The following KIF26A variants were observed in gnomAD, a reference collection of about 807,000 sequenced individuals.
The protein encoded by KIF26A is kinesin family member 26A, also known as kinesin-like protein KIF26A.
A neutral mutation model predicts 126.0 loss-of-function variants in KIF26A; 74 were observed. The observed-to-expected ratio is 0.59, with a 90% CI of 0.49 to 0.71. The LOEUF is 0.71. KIF26A is among the 30% of genes least tolerant of loss of function. KIF26A has a pLI of 0.00. For missense variants in KIF26A, 2,984 were observed against 2,763.3 expected, an observed-to-expected ratio of 1.08 and a Z score of -1.79; for synonymous variants, 1,445 against 1,232.7, an observed-to-expected ratio of 1.17 and a Z score of -3.61.
intron 2 of KIF26A, among the ~76,000 whole-genome samples, chr14:104,150,967 C>T (rs959691145): frequency 4.6e-5 from 7 of 152,158 alleles, no homozygotes; most frequent in Admixed American, 1.3e-4. Flanking sequence ...GCCTGGCCCC[C>T]TCCCCAGAGA....
rs536569178 is a variant in KIF26A at position 104,175,977 on chromosome 14, G to A, written c.3189G>A (p.Leu1063=). ...CTAGCTTCGACAGTGACTGCTCCCT[G>A]CGGGCCCTGGCCTCGGGGTCCCGGC... is the stretch of plus-strand genomic sequence containing the variant. The part of the protein sequence containing the change: ...SLASFDSDCS[L]RALASGSRPV... Residue 1063 remains leucine (L), a synonymous_variant, in exon 12 of 15, where the codon CTG becomes CTA. Transcript: ENST00000423312. The A allele has an allele frequency of 3.2e-6, 5 of 1,576,476 alleles. No homozygotes were observed. The African/African-American group carries it at 5.4e-5, about 17-fold the overall frequency.
chr14:104,172,711 C>A, intron 7 of KIF26A, 43 bp downstream of exon 7: 18 of 1,415,648 alleles, frequency 1.3e-5, no homozygotes, highest in Non-Finnish European at 1.8e-5. Flanking sequence ...TGCTGGCCAC[C>A]CCCTCCCATC....
chr14:104,164,358 T>C (rs139209543), intron 4 of KIF26A, among the ~76,000 whole-genome samples: 1,993 of 152,270 alleles, frequency 0.013, 18 homozygotes, highest in Non-Finnish European at 0.021. Context: ...TCCTGGCCTC[T>C]GGCCCGCGTG....
At chr14:104,169,418 G>T (rs58635651) in intron 5 of KIF26A, among the ~76,000 whole-genome samples, 2,425 of 152,268 alleles carry the variant, frequency 0.016, 65 homozygotes, top group African/African-American at 0.055. Context: ...CCTCCTGGGG[G>T]CAGCCTTGGC....
Position 104,152,140 on chromosome 14 carries a change from G to A in KIF26A, c.414G>A (p.Glu138=). 3.7e-6 allele frequency: 6 copies of A among 1,611,428 alleles called. No homozygotes were observed. The highest frequency in any genetic ancestry group is 5.1e-6 in the Non-Finnish European group (6 of 1,179,522). Residue 138 remains glutamate, a synonymous_variant, in exon 3 of 15, where the codon GAG becomes GAA. Transcript: ENST00000423312. This position sits in a 1 kb window ranked among gnomAD's most constrained non-coding sequence, Gnocchi z 5.9. Reference sequence around the variant, plus strand: ...CACACCTGCAGCAGCTCACACGGGAGGCCATGCACCTGCTGCAGGCCCCTG... The same window carrying A: ...CACACCTGCAGCAGCTCACACGGGAAGCCATGCACCTGCTGCAGGCCCCTG... The part of the protein sequence containing the change: ...CATHLQQLTR[E]AMHLLQAPAS...
chr14:104,176,929 C>T lies in KIF26A; in HGVS notation c.4141C>T (p.Pro1381Ser). The change falls in exon 12 of 15, where the codon CCT becomes TCT. Residue 1381 changes from proline to serine, a missense_variant. Physicochemically the swap from Pro to Ser is moderately conservative, Grantham distance 74. Transcript: ENST00000423312. ...GCAGAGGAGCAGCCCGGCCTCGGCC[C>T]CTCCGCATGCTGTGAACCCGGCGCG... ...LEQRSSPASA[P>S]PHAVNPARVG... 2.0e-6 allele frequency: 3 copies of T among 1,536,558 alleles called. No homozygotes were observed. Among genetic ancestry groups the T allele is most frequent in the East Asian group, 2.4e-5 (1 of 40,848 alleles).
intron 4 of KIF26A, 123 bp from the exon 5 acceptor site, chr14:104,166,736 C>T (rs1012068556): frequency 1.0e-6 from 1 of 956,534 alleles, no homozygotes; most frequent in Non-Finnish European, 1.5e-6. Flanking sequence ...ACATTTTGGA[C>T]TGGGTTTCCT....
At position 104,151,815 on chromosome 14, in the gene KIF26A, G is replaced by T. The variant is rs1409560251; in HGVS notation, c.289-200G>T. Reference sequence around the variant, plus strand: ...TGGACAGTTAACAAGGACATTGTGAGCCTCACGATGAAGCCCGATCATTAT... The same window carrying T: ...TGGACAGTTAACAAGGACATTGTGATCCTCACGATGAAGCCCGATCATTAT... On this transcript the variant is annotated intron_variant, in intron 2 of 14. Coordinates refer to ENST00000423312, the MANE Select transcript of KIF26A (RefSeq NM_015656.2). The surrounding 1 kb of genome is among the most constrained non-coding windows in gnomAD (Gnocchi z 4.9). 1.3e-5 allele frequency among the ~76,000 whole-genome samples: 2 copies of T among 152,270 alleles called. No homozygotes were observed. Among genetic ancestry groups the T allele is most frequent in the Non-Finnish European group, 2.9e-5 (2 of 68,046 alleles).
rs1319790269 is a variant in KIF26A, at chr14:104,175,242, C to T, written c.2454C>T (p.Ile818=). 3 of 1,608,622 alleles carry T rather than the reference C, an allele frequency of 1.9e-6. No individual in the cohort carries two copies. Among genetic ancestry groups the T allele is most frequent in the Non-Finnish European group, 2.5e-6 (3 of 1,179,590 alleles). Residue 818 remains isoleucine, a synonymous_variant, in exon 12 of 15, where the codon ATC becomes ATT. Coordinates refer to ENST00000423312, the MANE Select transcript of KIF26A (RefSeq NM_015656.2). ...GTCCGCCTGACTTCGTGCCCATCAT[C>T]CCTGCCCTGAGCCGCCACCGGCCCT... ...NEGPPDFVPI[I]PALSRHRPSK...
chr14:104,170,573 A>G (rs2037947448), intron 5 of KIF26A, among the ~76,000 whole-genome samples: 1 of 152,226 alleles, frequency 6.6e-6, no homozygotes, highest in African/African-American at 2.4e-5. Flanking sequence ...TTTACGCTGT[A>G]GTGGAGAAAT....
intron 4 of KIF26A, among the ~76,000 whole-genome samples, chr14:104,159,197 C>A (rs1290285019): frequency 6.6e-6 from 1 of 152,202 alleles, no homozygotes; most frequent in Non-Finnish European, 1.5e-5. Context: ...CTGGCTGGGA[C>A]CCTGGTGGGA....
intron 5 of KIF26A, among the ~76,000 whole-genome samples, chr14:104,171,246 C>T (rs1350615088): frequency 6.6e-6 from 1 of 152,204 alleles, no homozygotes; most frequent in Non-Finnish European, 1.5e-5. Flanking sequence ...GGATGGCTCC[C>T]CTGACAGCGC....
rs75113198 is a variant in KIF26A, at chr14:104,172,947, G to A, written c.1421-30G>A. ...CATAAAGGCTCCTTGCGTGGTGTGT[G>A]GTGGGGCCTGACGCCTGCGTGGCCC... On this transcript the variant is annotated intron_variant, in intron 7 of 14. Coordinates refer to ENST00000423312, the MANE Select transcript of KIF26A (RefSeq NM_015656.2). 4.6e-3 allele frequency: 7,128 copies of A among 1,557,556 alleles called. 231 individuals carry two copies. The Admixed American group carries it at 0.074, about 16-fold the overall frequency.
intron 2 of KIF26A, among the ~76,000 whole-genome samples, chr14:104,141,991 A>T (rs2141087608): frequency 6.6e-6 from 1 of 151,874 alleles, no homozygotes; most frequent in Middle Eastern, 3.4e-3. Flanking sequence ...TGAGTTAGGG[A>T]CTCCGAGTCC....
rs1397039172 is a variant in KIF26A at position 104,151,394 on chromosome 14, G to A, written c.289-621G>A. 6.6e-6 allele frequency among the ~76,000 whole-genome samples: 1 copy of A among 152,136 alleles called. No individual in the cohort carries two copies. The highest frequency in any genetic ancestry group is 1.5e-5 in the Non-Finnish European group (1 of 67,988). The stretch of plus-strand genomic sequence containing the variant: ...GGGTGGGGGAGCTGGTGGAGTGTGC[G>A]GCGGGGGGTGGGGCCCTGGGCTGTA... On this transcript the variant is annotated intron_variant, in intron 2 of 14. Coordinates refer to ENST00000423312, the MANE Select transcript of KIF26A (RefSeq NM_015656.2). This position sits in a 1 kb window ranked among gnomAD's most constrained non-coding sequence, Gnocchi z 4.9.
Position 104,177,269 on chromosome 14 carries a change from C to T in KIF26A, c.4481C>T (p.Pro1494Leu). Residue 1494 changes from proline to leucine, a missense_variant, in exon 12 of 15, where the codon CCT (proline) becomes CTT (leucine). Pro to Leu is a moderately conservative substitution (Grantham distance 98). Coordinates refer to ENST00000423312, the MANE Select transcript of KIF26A (RefSeq NM_015656.2). The stretch of plus-strand genomic sequence containing the variant: ...AAGGCTGTGGGGGCCCCCAAGCCCC[C>T]TGTTGGTGGAGGCAAGGGCCGTGGC... ...AAKAVGAPKP[P>L]VGGGKGRGLV... 6.3e-7 allele frequency: 1 copy of T among 1,594,160 alleles called. No individual in the cohort carries two copies. The highest frequency in any genetic ancestry group is 8.5e-7 in the Non-Finnish European group (1 of 1,173,688).
At chr14:104,155,839 G>A (rs1036155868) in intron 3 of KIF26A, among the ~76,000 whole-genome samples, 4 of 152,356 alleles carry the variant, frequency 2.6e-5, no homozygotes, top group African/African-American at 9.6e-5. Context: ...CCTGAGATGG[G>A]GGAGGGCTCG....
At chr14:104,173,981 C>T in intron 10 of KIF26A, 113 bp downstream of exon 10, 2 of 1,420,112 alleles carry the variant, frequency 1.4e-6, no homozygotes, top group Non-Finnish European at 1.9e-6. Context: ...GGGCTTTGCT[C>T]CTCCACCACC....
chr14:104,153,865 G>T (rs79590157), intron 3 of KIF26A, among the ~76,000 whole-genome samples: 2,090 of 151,896 alleles, frequency 0.014, 53 homozygotes, highest in African/African-American at 0.048. Context: ...GCGGGTGGGG[G>T]TGGAGAAGAT....
Sources: gnomAD v4.1 joint callset for allele counts (sites outside exome capture counted in the v4.1 genomes callset) on GRCh38, gnomAD v4.1.1 for gene constraint, Gnocchi (gnomAD v3.1) non-coding constraint, MANE v1.5 for transcripts, NCBI Gene and HGNC (gene_info 2026-07-23, HGNC 2026-07-21) for gene names.